FMN2: variants seen among roughly 807,000 people sequenced by gnomAD.
The protein encoded by FMN2 is formin-2.
Under a neutral mutation model 142.3 loss-of-function variants are expected in FMN2, and 51 were observed. The observed-to-expected ratio is 0.36, with a 90% confidence interval of 0.29 to 0.45. FMN2 has a LOEUF of 0.45. FMN2 is among the 20% of genes least tolerant of loss of function. The probability of loss-of-function intolerance (pLI) is 1.00; values close to 1 mark genes in which losing one functional copy is unlikely to be tolerated. For synonymous variants in FMN2, 882 were observed against 869.8 expected (o/e 1.01, Z -0.25); for missense variants, 1,936 against 2,122.8 (o/e 0.91, Z 1.73).
At chr1:240,255,030 C>T (rs868249140) in intron 6 of FMN2, among the ~76,000 whole-genome samples, 10 of 152,162 alleles carry the variant, frequency 6.6e-5, no homozygotes, top group South Asian at 4.1e-4. Context: ...GTGCAGGCCG[C>T]GGGGTTCTCC....
At chr1:240,394,048 G>A (rs1673695238) in intron 15 of FMN2, among the ~76,000 whole-genome samples, 1 of 152,150 alleles carries the variant, frequency 6.6e-6, no homozygotes, top group African/African-American at 2.4e-5. Context: ...ACCATGTGTG[G>A]GAGAACAGGA....
intron 15 of FMN2, among the ~76,000 whole-genome samples, chr1:240,403,266 A>C (rs796410526): frequency 6.6e-6 from 1 of 152,248 alleles, no homozygotes; most frequent in Non-Finnish European, 1.5e-5. Flanking sequence ...GACTTTTCCT[A>C]CAGATTAAAA....
intron 4 of FMN2, among the ~76,000 whole-genome samples, chr1:240,195,956 T>A (rs1327619623): frequency 6.6e-6 from 1 of 152,164 alleles, no homozygotes; most frequent in Non-Finnish European, 1.5e-5. Context: ...TGCAGTGAGC[T>A]ATGATTGTGC....
At chr1:240,444,966 T>C (rs1675755455) in intron 16 of FMN2, among the ~76,000 whole-genome samples, 1 of 152,202 alleles carries the variant, frequency 6.6e-6, no homozygotes, top group African/African-American at 2.4e-5. Flanking sequence ...CATTCTTGCA[T>C]TGCATGATAA....
chr1:240,124,909 A>T (rs573223084), intron 2 of FMN2, among the ~76,000 whole-genome samples: 2 of 151,688 alleles, frequency 1.3e-5, no homozygotes, highest in Non-Finnish European at 2.9e-5. Context: ...CTCGTGATCC[A>T]CCCGCCCCGG....
At chr1:240,317,411 T>C (rs1670827065) in intron 8 of FMN2, among the ~76,000 whole-genome samples, 1 of 152,114 alleles carries the variant, frequency 6.6e-6, no homozygotes, top group Non-Finnish European at 1.5e-5. Context: ...TCTTTCTCCA[T>C]CCCTAACCCC....
At chr1:240,168,907 G>A (rs1664589557) in intron 2 of FMN2, among the ~76,000 whole-genome samples, 1 of 151,850 alleles carries the variant, frequency 6.6e-6, no homozygotes, top group Admixed American at 6.6e-5. Flanking sequence ...TTGTCCCTGA[G>A]ATTAAAAAAA....
intron 15 of FMN2, among the ~76,000 whole-genome samples, chr1:240,409,281 G>A (rs186382011): frequency 3.9e-5 from 6 of 152,058 alleles, no homozygotes; most frequent in East Asian, 1.9e-4. Context: ...AGCTGGGACC[G>A]CAGGCGTACA....
chr1:240,288,265 G>C (rs149416199), intron 7 of FMN2, among the ~76,000 whole-genome samples: 3 of 152,254 alleles, frequency 2.0e-5, no homozygotes, highest in African/African-American at 7.2e-5. Context: ...TATATCTACA[G>C]AACGTATCTC....
chr1:240,383,675 T>G (rs886623800), intron 14 of FMN2, among the ~76,000 whole-genome samples: 1 of 152,098 alleles, frequency 6.6e-6, no homozygotes, highest in Non-Finnish European at 1.5e-5. Context: ...AAAAAACAGT[T>G]TGGGGATTCC....
chr1:240,401,801 G>A (rs1673999702), intron 15 of FMN2, among the ~76,000 whole-genome samples: 1 of 152,158 alleles, frequency 6.6e-6, no homozygotes, highest in African/African-American at 2.4e-5. Flanking sequence ...CATGAAAGAA[G>A]GCAGGGCTGC....
Position 240,092,467 on chromosome 1 carries a change from G to A in FMN2, c.358G>A (p.Asp120Asn). 2 of 1,609,498 alleles carry A rather than the reference G, an allele frequency of 1.2e-6. No homozygotes were observed. Among genetic ancestry groups the A allele is most frequent in the Non-Finnish European group, 1.7e-6 (2 of 1,178,084 alleles). The change falls in exon 1 of 18, where the codon GAC becomes AAC. Residue 120 changes from aspartate to asparagine, a missense_variant. Around this residue, in one of 8 missense-constraint regions of FMN2, gnomAD observed 751 missense variants for 791.8 expected, o/e 0.95. Coordinates refer to ENST00000319653, the MANE Select transcript of FMN2 (RefSeq NM_020066.5). ...TCACTCCCTGCTCACCAAGACTCCAGACCTCAGCCTCTCGGCGGACGAGGC... is the reference window on the plus strand; with the variant it reads ...TCACTCCCTGCTCACCAAGACTCCAAACCTCAGCCTCTCGGCGGACGAGGC... Reference protein sequence around the residue: ...SAHSLLTKTPDLSLSADEAGL... With the variant: ...SAHSLLTKTPNLSLSADEAGL...
chr1:240,385,889 T>TAC, intron 14 of FMN2, among the ~76,000 whole-genome samples: 1 of 152,248 alleles, frequency 6.6e-6, no homozygotes, highest in Non-Finnish European at 1.5e-5. Flanking sequence ...ATGATATATA[T>TAC]ATATATTTAT....
intron 8 of FMN2, among the ~76,000 whole-genome samples, chr1:240,328,147 C>CAAAAAAAAAAAAAAAAAAAAAAAAAAAA (rs780595882): frequency 3.3e-4 from 17 of 51,424 alleles, no homozygotes; most frequent in Admixed American, 1.3e-3. Flanking sequence ...GACCCCATCT[C>CAAAAAAAAAAAAAAAAAAAAAAAAAAAA]AAAAAAAAAA....
chr1:240,301,790 G>A (rs1670208647), intron 8 of FMN2, among the ~76,000 whole-genome samples: 1 of 151,556 alleles, frequency 6.6e-6, no homozygotes, highest in South Asian at 2.1e-4. Flanking sequence ...ACTGCCTTTA[G>A]GTTTTTCTTT....
In FMN2 at chr1:240,291,066, G is replaced by A. The variant is rs1231141830; in HGVS notation, c.4154-3756G>A. 2.0e-5 allele frequency among the ~76,000 whole-genome samples: 3 copies of A among 151,984 alleles called. No individual in the cohort carries two copies. In the South Asian group the frequency reaches 6.2e-4, roughly 31 times the overall value. ...GGGCCTCAGGTGATCCGCCTGCCTT[G>A]GCCTCCCAGAGTGCTGGAATTACAG... On this transcript the variant is annotated intron_variant, in intron 7 of 17. Transcript: ENST00000319653.
intron 16 of FMN2, among the ~76,000 whole-genome samples, chr1:240,465,897 CCTT>C (rs1356428525): frequency 6.6e-6 from 1 of 152,144 alleles, no homozygotes; most frequent in Non-Finnish European, 1.5e-5. Context: ...AGTGTATCTC[CCTT>C]CTTCATCTCA....
intron 4 of FMN2, among the ~76,000 whole-genome samples, chr1:240,205,085 G>C (rs946508074): frequency 6.6e-6 from 1 of 152,108 alleles, no homozygotes; most frequent in Non-Finnish European, 1.5e-5. Context: ...TGGAGTATAA[G>C]TGTCAGCCTC....
intron 8 of FMN2, among the ~76,000 whole-genome samples, chr1:240,322,788 C>A (rs933788123): frequency 6.6e-6 from 1 of 152,116 alleles, no homozygotes; most frequent in Non-Finnish European, 1.5e-5. Context: ...CTGGCACACA[C>A]GTTCCTGGAA....
Sources: gnomAD v4.1 joint callset for allele counts (sites outside exome capture counted in the v4.1 genomes callset) on GRCh38, gnomAD v4.1.1 for gene constraint, gnomAD v4.1.1 regional missense constraint, MANE v1.5 for transcripts, NCBI Gene and HGNC (gene_info 2026-07-23, HGNC 2026-07-21) for gene names.